Variants in GALNT13 observed in about 807,000 individuals in gnomAD.
GALNT13 encodes polypeptide N-acetylgalactosaminyltransferase 13, also known as UDP-GalNAc:polypeptide N-acetylgalactosaminyltransferase 13.
In GALNT13, 28 loss-of-function variants were observed where a neutral mutation model predicts 64.2. That is an observed-to-expected ratio of 0.44 (90% confidence interval 0.32 to 0.60). The LOEUF (loss-of-function observed/expected upper bound fraction) is 0.60, where lower values mean the gene tolerates loss of function less well. GALNT13 is among the 20% of genes least tolerant of loss of function. GALNT13 has a pLI of 0.05. For synonymous variants in GALNT13, 214 were observed against 224.6 expected (o/e 0.95, Z 0.42); for missense variants, 577 against 669.8 (o/e 0.86, Z 1.53).
intron 9 of GALNT13, among the ~76,000 whole-genome samples, chr2:154,309,275 T>C (rs549830867): frequency 6.7e-6 from 1 of 149,936 alleles, no homozygotes; most frequent in South Asian, 2.1e-4. Flanking sequence ...TCCAACTCCT[T>C]TCTTTTCCAC....
At chr2:153,261,363 A>G in the GALNT13 span, among the ~76,000 whole-genome samples, 3 of 152,124 alleles carry the variant, frequency 2.0e-5, no homozygotes, top group Non-Finnish European at 4.4e-5. Flanking sequence ...CATTCCAGGT[A>G]TTTGGAGGGA....
the GALNT13 span, among the ~76,000 whole-genome samples, chr2:153,120,564 C>G: frequency 6.6e-6 from 1 of 152,108 alleles, no homozygotes; most frequent in Non-Finnish European, 1.5e-5. Flanking sequence ...AAGCATTTAT[C>G]TATAAAAATA....
intron 2 of GALNT13, among the ~76,000 whole-genome samples, chr2:153,915,014 C>T (rs936615051): frequency 6.6e-5 from 10 of 152,168 alleles, no homozygotes; most frequent in Admixed American, 2.0e-4. Context: ...ACCCATTCCT[C>T]CCATGGGGCC....
the GALNT13 span, among the ~76,000 whole-genome samples, chr2:153,511,018 G>T: frequency 6.6e-6 from 1 of 152,022 alleles, no homozygotes; most frequent in African/African-American, 2.4e-5. Context: ...AAGAGGGAGC[G>T]AGAGAAGCAG....
the GALNT13 span, among the ~76,000 whole-genome samples, chr2:153,605,464 A>G: frequency 6.6e-6 from 1 of 152,074 alleles, no homozygotes; most frequent in Non-Finnish European, 1.5e-5. Context: ...GAATTCTTTA[A>G]CTTCTTAAAT....
At chr2:154,440,440 T>A (rs1701229138) in intron 12 of GALNT13, among the ~76,000 whole-genome samples, 1 of 150,958 alleles carries the variant, frequency 6.6e-6, no homozygotes. Flanking sequence ...TACTAAGGAA[T>A]TTTAAGTAAA....
intron 5 of GALNT13, among the ~76,000 whole-genome samples, chr2:154,242,462 A>G (rs1689545631): frequency 6.6e-6 from 1 of 152,130 alleles, no homozygotes; most frequent in African/African-American, 2.4e-5. Context: ...ATGACTTTCA[A>G]AAATATATCT....
chr2:153,244,737 G>T, the GALNT13 span, among the ~76,000 whole-genome samples: 1 of 152,270 alleles, frequency 6.6e-6, no homozygotes, highest in South Asian at 2.1e-4. Context: ...TGAAACCCAG[G>T]TGCCTGGTGG....
intron 4 of GALNT13, among the ~76,000 whole-genome samples, chr2:154,146,812 C>T (rs1174562561): frequency 6.6e-6 from 1 of 152,022 alleles, no homozygotes; most frequent in East Asian, 1.9e-4. Context: ...AGTTTCCCAC[C>T]TTAGAAGCCC....
At chr2:154,003,987 A>C (rs965098711) in intron 3 of GALNT13, among the ~76,000 whole-genome samples, 2 of 152,290 alleles carry the variant, frequency 1.3e-5, no homozygotes, top group Non-Finnish European at 2.9e-5. Context: ...ACCCAGTCTC[A>C]GATAATTTTT....
the GALNT13 span, among the ~76,000 whole-genome samples, chr2:153,566,552 C>A: frequency 6.6e-6 from 1 of 152,092 alleles, no homozygotes; most frequent in East Asian, 1.9e-4. Context: ...GATGGGGTTT[C>A]ACCGTGTTAG....
intron 8 of GALNT13, among the ~76,000 whole-genome samples, chr2:154,288,699 G>A (rs147528428): frequency 1.1e-4 from 16 of 152,316 alleles, no homozygotes; most frequent in African/African-American, 3.1e-4. Flanking sequence ...AAATGATTCC[G>A]TTGACTCCAT....
At chr2:153,714,413 T>TA in the GALNT13 span, among the ~76,000 whole-genome samples, 2 of 152,208 alleles carry the variant, frequency 1.3e-5, no homozygotes, top group Non-Finnish European at 2.9e-5. Flanking sequence ...AGTCTACCTT[T>TA]TTCTCACCTA....
At position 154,451,776 on chromosome 2, in the gene GALNT13, G is replaced by C. The variant is rs1701880396; in HGVS notation, c.*1225G>C. On this transcript the variant is annotated 3_prime_UTR_variant, in exon 13 of 13. Transcript: ENST00000392825. ...GTGAAAAAAAATCAGATTTTTGCTA[G>C]TAAGTTTTTATATTTGACATCATTT... The C allele has an allele frequency of 6.6e-6, 1 of 151,996 alleles. No individual in the cohort carries two copies. The allele number at this position is 151,996 out of a possible 1,614,324, so 9.4% of individuals were successfully genotyped here.
At chr2:153,152,603 A>G in the GALNT13 span, among the ~76,000 whole-genome samples, 4 of 150,268 alleles carry the variant, frequency 2.7e-5, no homozygotes, top group African/African-American at 7.3e-5. Flanking sequence ...GTGTGCCTCT[A>G]TGTGTCCATG....
At chr2:154,013,703 C>T (rs1045931811) in intron 3 of GALNT13, among the ~76,000 whole-genome samples, 1 of 151,972 alleles carries the variant, frequency 6.6e-6, no homozygotes, top group Non-Finnish European at 1.5e-5. Context: ...TCAGCGAGGG[C>T]GCAGTGCTGG....
chr2:154,292,938 G>T (rs1692725680), intron 8 of GALNT13, among the ~76,000 whole-genome samples: 1 of 152,150 alleles, frequency 6.6e-6, no homozygotes, highest in African/African-American at 2.4e-5. Flanking sequence ...TTCGTTAATT[G>T]TCTCCTAGCA....
intron 9 of GALNT13, among the ~76,000 whole-genome samples, chr2:154,328,092 A>G (rs961733338): frequency 1.3e-5 from 2 of 152,128 alleles, no homozygotes; most frequent in African/African-American, 4.8e-5. Flanking sequence ...TTACACGAAA[A>G]TGAATATCTT....
At chr2:154,179,542 G>A (rs988583939) in intron 4 of GALNT13, among the ~76,000 whole-genome samples, 1 of 152,220 alleles carries the variant, frequency 6.6e-6, no homozygotes, top group South Asian at 2.1e-4. Context: ...ACTGTCAAAT[G>A]TGGAATATCA....
Sources: allele counts gnomAD v4.1 joint callset (sites outside exome capture counted in the v4.1 genomes callset), GRCh38; gene constraint gnomAD v4.1.1; transcripts MANE v1.5; gene names NCBI Gene and HGNC (gene_info 2026-07-23, HGNC 2026-07-21).